Variants in PAK6 observed in about 807,000 individuals in gnomAD.
PAK6 encodes the protein p21 (RAC1) activated kinase 6.
Under a neutral mutation model 60.8 loss-of-function variants are expected in PAK6, and 33 were observed. The ratio of observed to expected loss-of-function variants is 0.54; its 90% CI spans 0.41 to 0.73. The LOEUF (loss-of-function observed/expected upper bound fraction) is 0.73. Among genes scored for constraint, PAK6 ranks in the 30% least tolerant of loss-of-function variants. The pLI is 0.00. For synonymous variants in PAK6, 404 were observed against 378.5 expected (o/e 1.07, Z -0.78); for missense variants, 845 against 904.1 (o/e 0.93, Z 0.84).
intron 3 of PAK6, among the ~76,000 whole-genome samples, chr15:40,263,077 G>A (rs2039025986): frequency 6.6e-6 from 1 of 152,220 alleles, no homozygotes; most frequent in South Asian, 2.1e-4. Flanking sequence ...CACGCATGGT[G>A]AATTCCTAGT....
intron 3 of PAK6, among the ~76,000 whole-genome samples, chr15:40,264,110 C>T (rs1169149320): frequency 2.0e-5 from 3 of 152,122 alleles, no homozygotes; most frequent in Non-Finnish European, 4.4e-5. Flanking sequence ...TTGGGGGCTC[C>T]CTGATACATA....
At chr15:40,262,809 C>G (rs1041996523) in intron 3 of PAK6, among the ~76,000 whole-genome samples, 3 of 152,218 alleles carry the variant, frequency 2.0e-5, no homozygotes, top group Admixed American at 6.5e-5. Context: ...TTCACACACC[C>G]TAAACCCTAT....
intron 5 of PAK6, among the ~76,000 whole-genome samples, chr15:40,267,484 C>T (rs936336364): frequency 2.0e-5 from 3 of 152,098 alleles, no homozygotes; most frequent in Non-Finnish European, 4.4e-5. Flanking sequence ...GGTGAAACCC[C>T]GTCTCTACTA....
chr15:40,264,644 G>A (rs1021510094), intron 3 of PAK6, 137 bp from the exon 4 acceptor site: 4 of 705,180 alleles, frequency 5.7e-6, no homozygotes, highest in East Asian at 2.5e-5. Flanking sequence ...AAGCAGAGAT[G>A]GAGGTGGAGG....
exon 11 of PAK6, chr15:40,276,779 TGTGTGTGTG>T (rs1387943656): frequency 2.0e-5 from 3 of 152,982 alleles, no homozygotes; most frequent in Non-Finnish European, 4.3e-5. Context: ...TGTGTGTGTG[TGTGTGTGTG>T]TAAGGGGAGG....
At chr15:40,264,824 A>G in exon 4 of PAK6, 1 of 1,613,988 alleles carries the variant, frequency 6.2e-7, no homozygotes. Context: ...CTGAGATCTC[A>G]GCGCCACAGA....
chr15:40,271,667 C>G (rs2039305223), intron 5 of PAK6, among the ~76,000 whole-genome samples: 1 of 152,154 alleles, frequency 6.6e-6, no homozygotes, highest in Admixed American at 6.5e-5. Context: ...AAACTCCCTG[C>G]TGCAGGCACA....
intron 3 of PAK6, among the ~76,000 whole-genome samples, chr15:40,257,964 G>T (rs777728341): frequency 3.3e-5 from 5 of 152,218 alleles, no homozygotes; most frequent in Admixed American, 6.5e-5. Flanking sequence ...GCTTCAGGCT[G>T]AGCCCCTACA....
intron 5 of PAK6, among the ~76,000 whole-genome samples, chr15:40,268,625 G>C (rs1277417921): frequency 6.6e-6 from 1 of 152,178 alleles, no homozygotes; most frequent in Non-Finnish European, 1.5e-5. Context: ...AGTGTGCCAG[G>C]CATGGCTGCA....
intron 10 of PAK6, among the ~76,000 whole-genome samples, chr15:40,275,280 G>GTTTTTTTTTTTGTTGTTTTTTTTT (rs1555389201): frequency 1.8e-5 from 1 of 56,486 alleles, no homozygotes; most frequent in Non-Finnish European, 3.1e-5. Flanking sequence ...GTTGTTGTTG[G>GTTTTTTTTTTTGTTGTTTTTTTTT]TTTTTTTTTT....
intron 2 of PAK6, chr15:40,245,758 CAG>C (rs2038479299): frequency 6.6e-6 from 1 of 152,316 alleles, no homozygotes. Flanking sequence ...TAACTAATGG[CAG>C]AGTCAGTTTC....
At chr15:40,263,920 G>A (rs1193811344) in intron 3 of PAK6, 3 of 456,000 alleles carry the variant, frequency 6.6e-6, no homozygotes, top group East Asian at 1.4e-4. Context: ...CCCGGCCCAG[G>A]TGATGTTTTA....
In PAK6 at chr15:40,272,507, A is replaced by T. The variant is rs779088483; in HGVS notation, c.1142A>T (p.Asp381Val). ...GCCAAGGGTGCCCTGGCTGGTGAGG[A>T]CACAGGTGTTGTGACACATGAGCAG... The change falls in exon 6 of 11, where the codon GAC becomes GTC. Residue 381 changes from aspartate (D) to valine (V), a missense_variant. Physicochemically the swap from Asp to Val is radical, Grantham distance 152 (BLOSUM62 -3). Transcript: ENST00000560346. 6.2e-7 allele frequency: 1 copy of T among 1,613,816 alleles called. No individual in the cohort carries two copies. Among genetic ancestry groups the T allele is most frequent in the East Asian group, 2.2e-5 (1 of 44,882 alleles).
At chr15:40,265,691 G>T in intron 4 of PAK6, 151 bp from the exon 5 acceptor site, 1 of 646,582 alleles carries the variant, frequency 1.5e-6, no homozygotes, top group Non-Finnish European at 2.4e-6. Flanking sequence ...ATAAATTATG[G>T]AAAAATTAAT....
intron 2 of PAK6, chr15:40,252,743 A>C: frequency 2.3e-6 from 3 of 1,302,304 alleles, no homozygotes; most frequent in Non-Finnish European, 3.0e-6. Flanking sequence ...GGGCCTCCCA[A>C]CACGCGCAGC....
At chr15:40,267,754 G>A (rs1021008755) in intron 5 of PAK6, among the ~76,000 whole-genome samples, 2 of 152,242 alleles carry the variant, frequency 1.3e-5, no homozygotes, top group Non-Finnish European at 2.9e-5. Flanking sequence ...GTTGTGGCTT[G>A]ATGTATCTGT....
intron 8 of PAK6, 34 bp from the exon 9 acceptor site, chr15:40,273,517 C>T: frequency 6.2e-6 from 10 of 1,613,888 alleles, no homozygotes; most frequent in Non-Finnish European, 8.5e-6. Flanking sequence ...CCCACTTCCT[C>T]CTGATCCACC....
intron 3 of PAK6, chr15:40,264,448 G>A (rs1213838084): frequency 4.1e-6 from 2 of 491,872 alleles, no homozygotes; most frequent in Admixed American, 2.3e-5. Flanking sequence ...GACAGACAGT[G>A]GAATGATACT....
chr15:40,264,757 C>T, intron 3 of PAK6, 24 bp from the exon 4 acceptor site: 1 of 1,608,540 alleles, frequency 6.2e-7, no homozygotes, highest in South Asian at 1.1e-5. Context: ...CGGGAGGGAG[C>T]TCAACCTTAC....
Sources: allele counts gnomAD v4.1 joint callset (sites outside exome capture counted in the v4.1 genomes callset), GRCh38; gene constraint gnomAD v4.1.1; transcripts MANE v1.5; gene names NCBI Gene and HGNC (gene_info 2026-07-23, HGNC 2026-07-21).